LAMA5: variants seen among roughly 807,000 people sequenced by gnomAD.
LAMA5 encodes the protein laminin subunit alpha-5.
In LAMA5, 260 loss-of-function variants were observed where a neutral mutation model predicts 433.4. The ratio of observed to expected loss-of-function variants is 0.60; its 90% CI spans 0.54 to 0.66. The LOEUF (loss-of-function observed/expected upper bound fraction) is 0.66, where lower values mean the gene tolerates loss of function less well. LAMA5 is among the 30% of genes least tolerant of loss of function. LAMA5 has a pLI of 0.00. For synonymous variants in LAMA5, 2,620 were observed against 2,226.6 expected, an observed-to-expected ratio of 1.18 and a Z score of -4.97; for missense variants, 5,378 against 5,258.5, an observed-to-expected ratio of 1.02 and a Z score of -0.70.
rs1191764973 is a variant in LAMA5 at position 62,322,047 on chromosome 20, C to A, written c.6468G>T (p.Gly2156=). Residue 2156 remains glycine (G), a synonymous_variant, in exon 48 of 80, where the codon GGG becomes GGT. Transcript: ENST00000252999. ...SQQHQVPVPG[G]PVGHSIHCEV... ...CACAGTGGATGCTGTGGCCCACAGG[C>A]CCGCCTGGAACAGGCACCTGATGCT... 6.3e-7 allele frequency: 1 copy of A among 1,599,354 alleles called. No homozygotes were observed. The highest frequency in any genetic ancestry group is 1.7e-5 in the Admixed American group (1 of 59,960).
intron 1 of LAMA5, among the ~76,000 whole-genome samples, chr20:62,363,596 C>A (rs184360223): frequency 6.6e-6 from 1 of 152,202 alleles, no homozygotes; most frequent in African/African-American, 2.4e-5. Flanking sequence ...CCCCGCCCCC[C>A]CAGGAAACCA....
intron 6 of LAMA5, chr20:62,351,360 A>G: frequency 2.3e-6 from 1 of 443,670 alleles, no homozygotes; most frequent in Non-Finnish European, 4.1e-6. Context: ...AATCATCCCC[A>G]TTGCTGACTC....
At chr20:62,319,938 T>C (rs1987492265) in intron 50 of LAMA5, 143 bp from the exon 51 acceptor site, 1 of 554,488 alleles carries the variant, frequency 1.8e-6, no homozygotes, top group Non-Finnish European at 3.2e-6. Flanking sequence ...TGATGACTTG[T>C]TATTTATCAC....
chr20:62,323,685 G>A lies in LAMA5; in HGVS notation c.5850-15C>T. The stretch of plus-strand genomic sequence containing the variant: ...CGGGCGCACACCTGGGAGCAGGGTG[G>A]GGAGGGGCCGTCAGTGGCCCGTGGC... On this transcript the variant is annotated splice_polypyrimidine_tract_variant and intron_variant, in intron 44 of 79. Transcript: ENST00000252999. 10 of 1,600,152 alleles carry A rather than the reference G, an allele frequency of 6.2e-6. No individual in the cohort carries two copies. The highest frequency in any genetic ancestry group is 7.7e-6 in the Non-Finnish European group (9 of 1,171,964).
chr20:62,366,286 C>T (rs1297509294), intron 1 of LAMA5, among the ~76,000 whole-genome samples: 2 of 152,178 alleles, frequency 1.3e-5, no homozygotes, highest in Admixed American at 6.5e-5. Context: ...AGGTTTAAGG[C>T]TTGTTGGGGA....
At position 62,329,387 on chromosome 20, in the gene LAMA5, A is replaced by G. The variant is rs1417965861; in HGVS notation, c.4120-134T>C. 41 of 497,372 alleles carry G rather than the reference A, an allele frequency of 8.2e-5. 1 individual carries two copies. In the Admixed American group the frequency reaches 8.4e-4, roughly 10 times the overall value. The allele number at this position is 497,372 out of a possible 1,614,324, so 30.8% of individuals were successfully genotyped here. Reference sequence around the variant, plus strand: ...GCAGCAGCCCAGCCCAGCCCAGCCCAGCCCTGGGCCCTGGCTGCTCAGGGG... The same window carrying G: ...GCAGCAGCCCAGCCCAGCCCAGCCCGGCCCTGGGCCCTGGCTGCTCAGGGG... On this transcript the variant is annotated intron_variant, in intron 32 of 79. Transcript: ENST00000252999.
intron 2 of LAMA5, among the ~76,000 whole-genome samples, chr20:62,354,632 G>T (rs1984890682): frequency 6.6e-6 from 1 of 152,118 alleles, no homozygotes; most frequent in Non-Finnish European, 1.5e-5. Flanking sequence ...GAGCAGGGGG[G>T]GTCCCGAGGC....
chr20:62,343,547 G>A (rs886809478), intron 11 of LAMA5, among the ~76,000 whole-genome samples: 14 of 152,212 alleles, frequency 9.2e-5, no homozygotes, highest in East Asian at 3.9e-4. Flanking sequence ...AGGCTGAGGC[G>A]GGCAGATCCC....
In LAMA5 at chr20:62,351,780, T is replaced by C; in HGVS notation, c.880A>G (p.Ile294Val). 6.2e-7 allele frequency: 1 copy of C among 1,610,184 alleles called. No individual in the cohort carries two copies. Among genetic ancestry groups the C allele is most frequent in the Non-Finnish European group, 8.5e-7 (1 of 1,179,300 alleles). ...CAGACACAGCGGCCTCCGATGCTGATATCCTTGATGCTGTAATAATACTGC... is the reference window on the plus strand; with the variant it reads ...CAGACACAGCGGCCTCCGATGCTGACATCCTTGATGCTGTAATAATACTGC... The part of the protein sequence containing the change: ...TRRYYYSIKD[I>V]SIGGRCVCHG... Residue 294 changes from isoleucine to valine, a missense_variant, in exon 6 of 80, where the codon ATC becomes GTC. Transcript: ENST00000252999.
intron 40 of LAMA5, 43 bp from the exon 41 acceptor site, chr20:62,325,589 G>C: frequency 7.4e-7 from 1 of 1,354,292 alleles, no homozygotes; most frequent in Non-Finnish European, 1.0e-6. Context: ...ACACTCAATG[G>C]GACAGAACAG....
intron 6 of LAMA5, among the ~76,000 whole-genome samples, chr20:62,349,327 C>T (rs1050299850): frequency 6.7e-6 from 1 of 148,862 alleles, no homozygotes; most frequent in African/African-American, 2.5e-5. Context: ...AATCCCAATC[C>T]TCAACACATC....
chr20:62,349,336 T>A (rs1429446169), intron 6 of LAMA5, among the ~76,000 whole-genome samples: 2 of 122,920 alleles, frequency 1.6e-5, no homozygotes, highest in African/African-American at 3.1e-5. Flanking sequence ...CCTCAACACA[T>A]CACAATAAAT....
rs750405415 is a variant in LAMA5 at position 62,335,017 on chromosome 20, T to G, written c.2482+4A>C. On this transcript the variant is annotated splice_donor_region_variant and intron_variant, in intron 20 of 79. Coordinates refer to ENST00000252999, the MANE Select transcript of LAMA5 (RefSeq NM_005560.6). ...TGGTCTGGGACGAGCGAGTGGGCAC[T>G]CACTGCGGCAGCCAAAATAGTCAGC... The G allele has an allele frequency of 1.2e-6, 2 of 1,612,052 alleles. No individual in the cohort carries two copies. Among genetic ancestry groups the G allele is most frequent in the Admixed American group, 3.3e-5 (2 of 59,972 alleles).
chr20:62,322,753 C>A lies in LAMA5; in HGVS notation c.6070G>T (p.Asp2024Tyr), dbSNP rs200686173. The A allele has an allele frequency of 6.7e-7, 1 of 1,501,092 alleles. No homozygotes were observed. The highest frequency in any genetic ancestry group is 1.4e-5 in the African/African-American group (1 of 71,844). The allele number at this position is 1,501,092 out of a possible 1,614,324, so 93.0% of individuals were successfully genotyped here. ...GCCTCTGTCCCACATGGGGTACAGT[C>A]GCACCCTGCAGAAGGGGTCCGTGAC... is the stretch of plus-strand genomic sequence containing the variant. ...ALLPGNCTRC[D>Y]CTPCGTEACD... The change falls in exon 46 of 80, where the codon GAC becomes TAC. Residue 2024 changes from aspartate (D) to tyrosine (Y), a missense_variant. Coordinates refer to ENST00000252999, the MANE Select transcript of LAMA5 (RefSeq NM_005560.6).
At position 62,328,010 on chromosome 20, in the gene LAMA5, C is replaced by T. The variant is rs1435141272; in HGVS notation, c.4653G>A (p.Lys1551=). 2.5e-6 allele frequency: 4 copies of T among 1,611,598 alleles called. No individual in the cohort carries two copies. The highest frequency in any genetic ancestry group is 3.4e-6 in the Non-Finnish European group (4 of 1,179,784). Residue 1551 remains lysine, a splice_region_variant and synonymous_variant, in exon 36 of 80, where the codon AAG becomes AAA. Coordinates refer to ENST00000252999, the MANE Select transcript of LAMA5 (RefSeq NM_005560.6). The stretch of plus-strand genomic sequence containing the variant: ...GGCGCCCAGTCACGTTGGGTCTGCA[C>T]CTGTGGCAGGGGCGGGAGCTGAGCC... ...PTCDTDSGQC[K]CRPNVTGRRC...
At chr20:62,366,401 T>C (rs1477151546) in intron 1 of LAMA5, among the ~76,000 whole-genome samples, 2 of 152,188 alleles carry the variant, frequency 1.3e-5, no homozygotes, top group Non-Finnish European at 1.5e-5. Context: ...CTGCCCCTCC[T>C]GGGAGCCACG....
rs1415101644 is a variant in LAMA5, at chr20:62,335,052, T to C, written c.2451A>G (p.Gly817=). 6.2e-7 allele frequency: 1 copy of C among 1,612,872 alleles called. No individual in the cohort carries two copies. The highest frequency in any genetic ancestry group is 1.7e-5 in the Admixed American group (1 of 59,992). The change falls in exon 20 of 80, where the codon GGA becomes GGG. Residue 817 remains glycine, a synonymous_variant. Coordinates refer to ENST00000252999, the MANE Select transcript of LAMA5 (RefSeq NM_005560.6). The stretch of plus-strand genomic sequence containing the variant: ...AGCCAAAATAGTCAGCCTGATCCAG[T>C]CCAAAGAAGCCATCCTTGCAGGACG... ...ACASCKDGFF[G]LDQADYFGCR...
chr20:62,340,364 T>G (rs1052204954), intron 11 of LAMA5, among the ~76,000 whole-genome samples: 1 of 132,036 alleles, frequency 7.6e-6, no homozygotes, highest in African/African-American at 2.8e-5. Context: ...CAGGCTGGAG[T>G]GCAGTGGCGC....
At chr20:62,364,877 G>C (rs1430416102) in intron 1 of LAMA5, among the ~76,000 whole-genome samples, 1 of 152,268 alleles carries the variant, frequency 6.6e-6, no homozygotes, top group African/African-American at 2.4e-5. Context: ...AGGCCCCATA[G>C]CCTTAGTGAG....
Sources: allele counts gnomAD v4.1 joint callset (sites outside exome capture counted in the v4.1 genomes callset), GRCh38; gene constraint gnomAD v4.1.1; transcripts MANE v1.5; gene names NCBI Gene and HGNC (gene_info 2026-07-23, HGNC 2026-07-21).